The following OSBPL8 variants were observed in gnomAD, a reference collection of about 807,000 sequenced individuals.
OSBPL8 encodes oxysterol binding protein like 8, also known as oxysterol-binding protein-related protein 8.
A neutral mutation model predicts 125.5 loss-of-function variants in OSBPL8; 59 were observed. The ratio of observed to expected loss-of-function variants is 0.47; its 90% CI spans 0.38 to 0.58. The LOEUF is 0.58. Ranked by LOEUF, OSBPL8 falls within the 20% of genes least tolerant of loss-of-function variation. OSBPL8 has a pLI of 0.00. For missense variants in OSBPL8, 758 were observed against 1,047.8 expected (o/e 0.72, Z 3.82); for synonymous variants, 330 against 338.9 (o/e 0.97, Z 0.29).
rs190699062 is a variant in OSBPL8, at chr12:76,446,529, C to T, written c.217+4322G>A. On this transcript the variant is annotated intron_variant, in intron 4 of 23. Coordinates refer to ENST00000261183, the MANE Select transcript of OSBPL8 (RefSeq NM_020841.5). ...GTGCAAATAAAGATATGACTAACAC[C>T]GTGGCTGCTTTAAATTAGAGGGTTA... 2.6e-3 allele frequency among the ~76,000 whole-genome samples: 394 copies of T among 152,112 alleles called. 2 individuals are homozygous for T. The highest frequency in any genetic ancestry group is 9.2e-3 in the African/African-American group (380 of 41,508).
chr12:76,389,613 T>C (rs757715985), intron 12 of OSBPL8, 32 bp downstream of exon 12: 42 of 1,431,028 alleles, frequency 2.9e-5, no homozygotes, highest in Admixed American at 7.1e-5. Context: ...TCATGAAGTA[T>C]TGTCTATTTT....
Position 76,373,371 on chromosome 12 carries a change from T to C in OSBPL8, c.1890A>G (p.Glu630=), listed in dbSNP as rs1022727664. 12 of 1,608,574 alleles carry C rather than the reference T, an allele frequency of 7.5e-6. No homozygotes were observed. Among genetic ancestry groups the C allele is most frequent in the Non-Finnish European group, 1.0e-5 (12 of 1,176,546 alleles). The part of the protein sequence containing the change: ...QISGKLKLGK[E]VLATLEGHWD... ...AATGACCTTCCAAAGTAGCTAGGAC[T>C]TCTTTTCCCAGTTTAAGTTTCCCTG... The change falls in exon 18 of 24, where the codon GAA becomes GAG. Residue 630 remains glutamate (E), a synonymous_variant. Transcript: ENST00000261183.
intron 2 of OSBPL8, among the ~76,000 whole-genome samples, chr12:76,462,735 T>A (rs975742737): frequency 6.6e-6 from 1 of 152,154 alleles, no homozygotes; most frequent in African/African-American, 2.4e-5. Flanking sequence ...TTAGATAGGT[T>A]GGCCTAAGAA....
At chr12:76,542,259 C>T (rs1950667441) in intron 1 of OSBPL8, among the ~76,000 whole-genome samples, 1 of 152,198 alleles carries the variant, frequency 6.6e-6, no homozygotes, top group African/African-American at 2.4e-5. Context: ...ACTTTTAGTT[C>T]TTCTGTCTCT....
intron 1 of OSBPL8, among the ~76,000 whole-genome samples, chr12:76,514,101 G>A (rs1027784773): frequency 1.3e-5 from 2 of 152,038 alleles, no homozygotes; most frequent in African/African-American, 4.8e-5. Context: ...TCTCTTGTAA[G>A]GCAGGCCTGG....
intron 4 of OSBPL8, among the ~76,000 whole-genome samples, chr12:76,429,886 T>TA (rs1383448118): frequency 9.5e-5 from 11 of 115,876 alleles, no homozygotes; most frequent in African/African-American, 4.2e-4. Context: ...GACAAGGGTT[T>TA]TAAAAAAAAA....
chr12:76,424,811 G>T (rs944241464), intron 4 of OSBPL8, among the ~76,000 whole-genome samples: 5 of 151,836 alleles, frequency 3.3e-5, no homozygotes, highest in Admixed American at 3.3e-4. Context: ...TAAAACTCAA[G>T]TAAAATCAAG....
intron 1 of OSBPL8, among the ~76,000 whole-genome samples, chr12:76,532,872 A>T (rs889488792): frequency 5.3e-5 from 8 of 152,206 alleles, no homozygotes; most frequent in Admixed American, 5.2e-4. Flanking sequence ...TGCTCTCTAG[A>T]TCCCTAAAGC....
At chr12:76,408,143 T>TAAA (rs376221340) in intron 5 of OSBPL8, among the ~76,000 whole-genome samples, 116 of 92,004 alleles carry the variant, frequency 1.3e-3, no homozygotes, top group Non-Finnish European at 1.6e-3. Context: ...CCTCATCTCT[T>TAAA]AAAAAAAAAA....
chr12:76,448,336 A>G (rs924074569), intron 4 of OSBPL8, among the ~76,000 whole-genome samples: 4 of 152,158 alleles, frequency 2.6e-5, no homozygotes, highest in African/African-American at 9.7e-5. Context: ...ATTAGTAACT[A>G]ACCCTTTTGT....
chr12:76,429,535 C>T (rs1428574979), intron 4 of OSBPL8, among the ~76,000 whole-genome samples: 2 of 151,934 alleles, frequency 1.3e-5, no homozygotes, highest in Non-Finnish European at 2.9e-5. Flanking sequence ...AGACTATTCA[C>T]AAAAATCTAT....
chr12:76,516,721 T>A (rs1338904386), intron 1 of OSBPL8, among the ~76,000 whole-genome samples: 1 of 151,838 alleles, frequency 6.6e-6, no homozygotes, highest in African/African-American at 2.4e-5. Context: ...ACAGCAGAAA[T>A]AACCAATAAT....
In OSBPL8 at chr12:76,390,670, A is replaced by C; in HGVS notation, c.930-13T>G. 6.7e-7 allele frequency: 1 copy of C among 1,492,736 alleles called. No homozygotes were observed. Among genetic ancestry groups the C allele is most frequent in the South Asian group, 1.1e-5 (1 of 87,528 alleles). 92.5% of individuals were successfully genotyped at this position (1,492,736 alleles called of 1,614,324 possible). The stretch of plus-strand genomic sequence containing the variant: ...ACTATCATTTAACCTTAAGGGAAAG[A>C]ATTTTTAGGAGGAAGAATCAAGGAT... On this transcript the variant is annotated splice_polypyrimidine_tract_variant and intron_variant, in intron 10 of 23. Transcript: ENST00000261183.
Position 76,510,713 on chromosome 12 carries a change from C to T in OSBPL8, c.-67-23095G>A, listed in dbSNP as rs556874668. On this transcript the variant is annotated intron_variant, in intron 1 of 23. Coordinates refer to ENST00000261183, the MANE Select transcript of OSBPL8 (RefSeq NM_020841.5). ...TGACCAACATGGAGAAACCCCATCT[C>T]TACTAAAAAATACAAAAATTAGCCA... 2.3e-3 allele frequency among the ~76,000 whole-genome samples: 351 copies of T among 152,144 alleles called. 4 individuals are homozygous for T. Among genetic ancestry groups the T allele is most frequent in the African/African-American group, 8.2e-3 (339 of 41,512 alleles).
At chr12:76,375,903 G>T (rs572512185) in intron 16 of OSBPL8, among the ~76,000 whole-genome samples, 1 of 152,084 alleles carries the variant, frequency 6.6e-6, no homozygotes, top group African/African-American at 2.4e-5. Context: ...TATTTTACAG[G>T]GAAAATGTGT....
At chr12:76,502,278 A>G (rs111499417) in intron 1 of OSBPL8, among the ~76,000 whole-genome samples, 1 of 152,170 alleles carries the variant, frequency 6.6e-6, no homozygotes, top group African/African-American at 2.4e-5. Flanking sequence ...TGATCCACTA[A>G]TACAATTTTT....
intron 1 of OSBPL8, among the ~76,000 whole-genome samples, chr12:76,544,738 TA>T (rs946860327): frequency 6.6e-6 from 1 of 152,070 alleles, no homozygotes; most frequent in African/African-American, 2.4e-5. Flanking sequence ...TATGTTATAC[TA>T]AAAGAACTTA....
At chr12:76,540,471 A>T (rs993665805) in intron 1 of OSBPL8, among the ~76,000 whole-genome samples, 8 of 149,270 alleles carry the variant, frequency 5.4e-5, no homozygotes, top group African/African-American at 1.5e-4. Flanking sequence ...TTCTGTTTTT[A>T]AAAAAATTAT....
chr12:76,479,715 T>C (rs1877241564), intron 2 of OSBPL8, among the ~76,000 whole-genome samples: 1 of 152,196 alleles, frequency 6.6e-6, no homozygotes, highest in Admixed American at 6.5e-5. Context: ...AACATCACCA[T>C]GAGGGGAAAA....
Sources: gnomAD v4.1 joint callset for allele counts (sites outside exome capture counted in the v4.1 genomes callset) on GRCh38, gnomAD v4.1.1 for gene constraint, MANE v1.5 for transcripts, NCBI Gene and HGNC (gene_info 2026-07-23, HGNC 2026-07-21) for gene names.